Variants in WDR81 observed in about 807,000 individuals in gnomAD.
WDR81 encodes the protein WD repeat domain 81, also known as WD repeat-containing protein 81.
WDR81 carries 92 observed loss-of-function variants against 140.8 expected under a neutral mutation model. The observed-to-expected ratio is 0.65, with a 90% CI of 0.55 to 0.78. WDR81 has a LOEUF of 0.78. Among genes scored for constraint, WDR81 ranks in the 30% least tolerant of loss-of-function variants. WDR81 has a pLI of 0.00. For missense variants in WDR81, 2,502 were observed against 2,636.4 expected (o/e 0.95, Z 1.12); for synonymous variants, 1,183 against 1,156.4 (o/e 1.02, Z -0.47).
At position 1,725,154 on chromosome 17, in the gene WDR81, C is replaced by T. The variant is rs754565701; in HGVS notation, c.195C>T (p.Ser65=). ...TAGTGCCTGCGCGCTGGCTGGCCAG[C>T]CTCCGCGATCGCCGGCTGCCCCTGG... ...VALVPARWLA[S]LRDRRLPLGP... The change falls in exon 1 of 10, where the codon AGC becomes AGT. Residue 65 remains serine (S), a synonymous_variant. Coordinates refer to ENST00000409644, the MANE Select transcript of WDR81 (RefSeq NM_001163809.2). The T allele has an allele frequency of 4.1e-5, 63 of 1,533,434 alleles. No homozygotes were observed. The highest frequency in any genetic ancestry group is 5.4e-5 in the Non-Finnish European group (62 of 1,144,434). 95.0% of individuals were successfully genotyped at this position (1,533,434 alleles called of 1,614,324 possible).
chr17:1,724,660 A>C, upstream of WDR81: 1 of 1,038,106 alleles, frequency 9.6e-7, no homozygotes, highest in Non-Finnish European at 1.2e-6. Flanking sequence ...CTCTGGAGCC[A>C]CGTGCGCTTG....
Position 1,737,489 on chromosome 17 carries a change from T to C in WDR81, c.5630T>C (p.Leu1877Pro), listed in dbSNP as rs764681151. ...SASDPIHTFD[L>P]YGSEVVTGTV... is the part of the protein sequence containing the mutation. ...TCCGACCCCATCCACACCTTTGACC[T>C]GTACGGCAGCGAGGTGGTCACTGGC... The change falls in exon 10 of 10, where the codon CTG (leucine) becomes CCG (proline). Residue 1877 changes from leucine (L) to proline (P), a missense_variant. Physicochemically the swap from Leu to Pro is moderately conservative, Grantham distance 98. This residue lies in a region of WDR81 where 1,737 missense variants were observed against 1,843.0 expected (regional missense o/e 0.94). Transcript: ENST00000409644. The C allele has an allele frequency of 1.9e-6, 3 of 1,613,070 alleles. No homozygotes were observed. The highest frequency in any genetic ancestry group is 1.6e-4 in the Middle Eastern group (1 of 6,082).
At chr17:1,729,131 T>C (rs1321223868) in intron 1 of WDR81, among the ~76,000 whole-genome samples, 7 of 151,860 alleles carry the variant, frequency 4.6e-5, no homozygotes, top group Admixed American at 4.6e-4. Context: ...CTTAAGCAAG[T>C]GTATTATGTT....
chr17:1,720,357 C>T (rs1914798042), upstream of WDR81, among the ~76,000 whole-genome samples: 1 of 152,170 alleles, frequency 6.6e-6, no homozygotes, highest in Admixed American at 6.6e-5. Context: ...AGGGAAATTC[C>T]GGAAGAGAGC....
At position 1,727,770 on chromosome 17, in the gene WDR81, A is replaced by G; in HGVS notation, c.2811A>G (p.Thr937=). 1 of 1,550,720 alleles carries G rather than the reference A, an allele frequency of 6.4e-7. No individual in the cohort carries two copies. The highest frequency in any genetic ancestry group is 1.2e-5 in the South Asian group (1 of 84,068). ...FVLSLMSEEH[T]AVYTAWYLFE... The stretch of plus-strand genomic sequence containing the variant: ...TCTCACTCATGTCCGAGGAGCACAC[A>G]GCTGTGTACACGGCCTGGTATCTGT... Residue 937 remains threonine, a synonymous_variant, in exon 1 of 10, where the codon ACA becomes ACG. Transcript: ENST00000409644.
chr17:1,724,580 C>T (rs951044653), upstream of WDR81: 5 of 990,108 alleles, frequency 5.0e-6, no homozygotes, highest in South Asian at 9.4e-5. Flanking sequence ...GAGCCCAGAC[C>T]GAGCCAGAGC....
Position 1,726,090 on chromosome 17 carries a change from C to T in WDR81, c.1131C>T (p.Pro377=). 1 of 1,547,800 alleles carries T rather than the reference C, an allele frequency of 6.5e-7. No homozygotes were observed. Among genetic ancestry groups the T allele is most frequent in the Non-Finnish European group, 8.7e-7 (1 of 1,145,170 alleles). The change falls in exon 1 of 10, where the codon CCC becomes CCT. Residue 377 remains proline (P), a synonymous_variant. Coordinates refer to ENST00000409644, the MANE Select transcript of WDR81 (RefSeq NM_001163809.2). ...NRLAGRRQGD[P]NYHPVLPWVV... The stretch of plus-strand genomic sequence containing the variant: ...TGGCAGGTCGGCGGCAGGGGGACCC[C>T]AACTACCACCCCGTGCTGCCCTGGG...
At chr17:1,729,036 C>T (rs1597292927) in intron 1 of WDR81, among the ~76,000 whole-genome samples, 1 of 152,162 alleles carries the variant, frequency 6.6e-6, no homozygotes, top group South Asian at 2.1e-4. Flanking sequence ...AGCAGTGGAT[C>T]GAGCCAGGAC....
In WDR81 at chr17:1,724,707, T is replaced by C; in HGVS notation, c.-253T>C. The C allele has an allele frequency of 9.2e-7, 1 of 1,086,494 alleles. No homozygotes were observed. Among genetic ancestry groups the C allele is most frequent in the Non-Finnish European group, 1.1e-6 (1 of 896,556 alleles). The allele number at this position is 1,086,494 out of a possible 1,614,324, so 67.3% of individuals were successfully genotyped here. A position where few individuals can be genotyped will look rare whatever the true frequency, so the allele number is the denominator to read the frequency against. On this transcript the variant is annotated 5_prime_UTR_variant, in exon 1 of 10. Transcript: ENST00000409644. ...GGGCGATCACGTGACCCGCGTCAGCTGACCCGTCACGGTGGAGCCCGGTGC... is the reference window on the plus strand; with the variant it reads ...GGGCGATCACGTGACCCGCGTCAGCCGACCCGTCACGGTGGAGCCCGGTGC...
In WDR81 at chr17:1,726,000, C is replaced by G; in HGVS notation, c.1041C>G (p.Ser347Arg). 2 of 1,547,974 alleles carry G rather than the reference C, an allele frequency of 1.3e-6. No homozygotes were observed. The highest frequency in any genetic ancestry group is 1.7e-6 in the Non-Finnish European group (2 of 1,145,212). Reference protein sequence around the residue: ...GQPTGQEELRSLVLDWVHGRI... With the variant: ...GQPTGQEELRRLVLDWVHGRI... ...CCACTGGCCAGGAGGAACTTCGGAG[C>G]CTCGTGCTAGATTGGGTCCACGGCC... is the stretch of plus-strand genomic sequence containing the variant. Residue 347 changes from serine to arginine, a missense_variant, in exon 1 of 10, where the codon AGC (serine) becomes AGG (arginine). Physicochemically the swap from Ser to Arg is moderately radical, Grantham distance 110 (BLOSUM62 -1). Transcript: ENST00000409644.
In WDR81 at chr17:1,724,994, T is replaced by C. The variant is rs1275546574; in HGVS notation, c.35T>C (p.Leu12Pro). Reference protein sequence around the residue: ...AQGSGGREGALRTPAGGWHSP... With the variant: ...AQGSGGREGAPRTPAGGWHSP... ...GGCAGCGGGGGGCGGGAAGGCGCTC[T>C]CAGAACCCCGGCCGGGGGCTGGCAT... Residue 12 changes from leucine to proline, a missense_variant, in exon 1 of 10, where the codon CTC becomes CCC. Transcript: ENST00000409644. 4 of 1,466,898 alleles carry C rather than the reference T, an allele frequency of 2.7e-6. No individual in the cohort carries two copies. The South Asian group carries it at 4.2e-5, about 15-fold the overall frequency. The allele number at this position is 1,466,898 out of a possible 1,614,324, so 90.9% of individuals were successfully genotyped here.
Position 1,727,952 on chromosome 17 carries a change from A to G in WDR81, c.2993A>G (p.Gln998Arg). 6.5e-7 allele frequency: 1 copy of G among 1,550,242 alleles called. No individual in the cohort carries two copies. The highest frequency in any genetic ancestry group is 8.7e-7 in the Non-Finnish European group (1 of 1,146,992). ...VAQLMVRLGL[Q>R]AFLTHLLPHV... ...CAGCTGATGGTGCGGCTGGGCCTGC[A>G]GGCATTTCTCACTCACCTGCTGCCC... The change falls in exon 1 of 10, where the codon CAG becomes CGG. Residue 998 changes from glutamine (Q) to arginine (R), a missense_variant. Physicochemically the swap from Gln to Arg is conservative, Grantham distance 43. Around this residue, in one of 3 missense-constraint regions of WDR81, gnomAD observed 1,737 missense variants for 1,843.0 expected, o/e 0.94. Coordinates refer to ENST00000409644, the MANE Select transcript of WDR81 (RefSeq NM_001163809.2).
At chr17:1,736,254 C>T (rs539507598) in intron 9 of WDR81, 36 bp downstream of exon 9, 2 of 1,577,090 alleles carry the variant, frequency 1.3e-6, no homozygotes, top group East Asian at 4.5e-5. Context: ...TGCTGCCCAA[C>T]CCCCGCCCCT....
chr17:1,727,006 A>G lies in WDR81; in HGVS notation c.2047A>G (p.Ser683Gly). The G allele has an allele frequency of 6.4e-7, 1 of 1,550,404 alleles. No individual in the cohort carries two copies. The highest frequency in any genetic ancestry group is 8.7e-7 in the Non-Finnish European group (1 of 1,146,970). The change falls in exon 1 of 10, where the codon AGT (serine) becomes GGT (glycine). Residue 683 changes from serine to glycine, a missense_variant. Around this residue, in one of 3 missense-constraint regions of WDR81, gnomAD observed 1,737 missense variants for 1,843.0 expected, o/e 0.94. Transcript: ENST00000409644. ...AGCAGGTGACCAGCTGGGCTCCTCC[A>G]GTCAAGCGTCCCCTGGACTTCTCTC... is the stretch of plus-strand genomic sequence containing the variant. ...GKAGDQLGSS[S>G]QASPGLLSFS...
Position 1,727,389 on chromosome 17 carries a change from C to T in WDR81, c.2430C>T (p.His810=), listed in dbSNP as rs1427789244. ...FQAVRGLCTR[H]PKEVPVSLQP... ...CTGTCCGAGGGCTCTGCACGCGCCACCCCAAGGAGGTCCCTGTGTCTTTGC... is the reference window on the plus strand; with the variant it reads ...CTGTCCGAGGGCTCTGCACGCGCCATCCCAAGGAGGTCCCTGTGTCTTTGC... The change falls in exon 1 of 10, where the codon CAC becomes CAT. Residue 810 remains histidine, a synonymous_variant. Coordinates refer to ENST00000409644, the MANE Select transcript of WDR81 (RefSeq NM_001163809.2). 7.1e-6 allele frequency: 11 copies of T among 1,550,144 alleles called. No individual in the cohort carries two copies. The highest frequency in any genetic ancestry group is 6.1e-6 in the Non-Finnish European group (7 of 1,146,976).
chr17:1,719,838 A>G (rs960503041), upstream of WDR81, among the ~76,000 whole-genome samples: 2 of 152,044 alleles, frequency 1.3e-5, no homozygotes, highest in African/African-American at 4.8e-5. Flanking sequence ...CTCTAGCTCT[A>G]CCCAAAATAC....
At chr17:1,722,078 G>A (rs1406288559), upstream of WDR81, among the ~76,000 whole-genome samples, 2 of 151,626 alleles carry the variant, frequency 1.3e-5, no homozygotes, top group African/African-American at 2.4e-5. Flanking sequence ...AGCTGAGATC[G>A]CGCCATTGCA....
Position 1,725,652 on chromosome 17 carries a change from G to A in WDR81, c.693G>A (p.Leu231=), listed in dbSNP as rs1327206036. 6.5e-7 allele frequency: 1 copy of A among 1,546,634 alleles called. No homozygotes were observed. Among genetic ancestry groups the A allele is most frequent in the East Asian group, 2.4e-5 (1 of 40,924 alleles). The change falls in exon 1 of 10, where the codon CTG becomes CTA. Residue 231 remains leucine (L), a synonymous_variant. Transcript: ENST00000409644. ...AEALLESPEM[L]YVVHPYVQFS... ...CCTTGCTGGAGTCGCCGGAGATGCT[G>A]TATGTGGTACACCCTTACGTACAGT...
chr17:1,733,497 T>C, intron 6 of WDR81, 30 bp from the exon 7 acceptor site: 1 of 1,498,114 alleles, frequency 6.7e-7, no homozygotes, highest in Non-Finnish European at 8.9e-7. Flanking sequence ...CCATCTTCCC[T>C]GTCTCAGGAC....
Sources: allele counts gnomAD v4.1 joint callset (sites outside exome capture counted in the v4.1 genomes callset), GRCh38; gene constraint gnomAD v4.1.1; regional missense constraint gnomAD v4.1.1; transcripts MANE v1.5; gene names NCBI Gene and HGNC (gene_info 2026-07-23, HGNC 2026-07-21).